The following ITPR2 variants were observed in gnomAD, a reference collection of about 807,000 sequenced individuals.
ITPR2 encodes the protein inositol 1,4,5-trisphosphate-gated calcium channel ITPR2.
Under a neutral mutation model 317.1 loss-of-function variants are expected in ITPR2, and 207 were observed. The ratio of observed to expected loss-of-function variants is 0.65; its 90% CI spans 0.58 to 0.73. ITPR2 has a LOEUF of 0.73. Ranked by LOEUF, ITPR2 falls within the 30% of genes least tolerant of loss-of-function variation. The pLI is 0.00. For synonymous variants in ITPR2, 1,156 were observed against 1,149.1 expected (o/e 1.01, Z -0.12); for missense variants, 2,613 against 3,284.0 (o/e 0.80, Z 4.99).
At chr12:26,722,920 A>G (rs1169541650) in intron 4 of ITPR2, among the ~76,000 whole-genome samples, 1 of 152,148 alleles carries the variant, frequency 6.6e-6, no homozygotes, top group Non-Finnish European at 1.5e-5. Context: ...ACAAAAACAG[A>G]ATATACTAAA....
At chr12:26,827,196 T>C (rs1256288379) in intron 1 of ITPR2, among the ~76,000 whole-genome samples, 3 of 152,334 alleles carry the variant, frequency 2.0e-5, no homozygotes, top group African/African-American at 7.2e-5. Context: ...TCAATACAAG[T>C]ATTTCTTAAA....
intron 47 of ITPR2, among the ~76,000 whole-genome samples, chr12:26,438,266 A>T (rs770162496): frequency 6.6e-6 from 1 of 152,198 alleles, no homozygotes; most frequent in South Asian, 2.1e-4. Context: ...CTGAAAATGC[A>T]TACCACACCC....
intron 54 of ITPR2, among the ~76,000 whole-genome samples, chr12:26,389,133 C>A (rs1056889549): frequency 6.6e-6 from 1 of 152,158 alleles, no homozygotes; most frequent in Non-Finnish European, 1.5e-5. Context: ...CCCAGGCCCC[C>A]CTGTTTCCAT....
At chr12:26,514,200 A>T (rs1039576223) in intron 37 of ITPR2, among the ~76,000 whole-genome samples, 45 of 152,328 alleles carry the variant, frequency 3.0e-4, no homozygotes, top group Non-Finnish European at 5.7e-4. Flanking sequence ...ATGTTTTTTT[A>T]AAAAAAGAAA....
chr12:26,776,911 C>T (rs1451853602), intron 2 of ITPR2, among the ~76,000 whole-genome samples: 1 of 152,154 alleles, frequency 6.6e-6, no homozygotes, highest in Non-Finnish European at 1.5e-5. Flanking sequence ...CAGTGTGACC[C>T]ATGAGGAGGT....
Position 26,336,165 on chromosome 12 carries a change from T to C in ITPR2, c.*3232A>G, listed in dbSNP as rs977223585. On this transcript the variant is annotated 3_prime_UTR_variant, in exon 57 of 57. Transcript: ENST00000381340. ...ATTTACCCCTCCTTTTCTCTAATGA[T>C]AGAGTACTGGGAAGCAGAAATCCCT... is the stretch of plus-strand genomic sequence containing the variant. Among the ~76,000 whole-genome samples, 1 of 152,178 alleles carries C rather than the reference T, an allele frequency of 6.6e-6. No individual in the cohort carries two copies. Among genetic ancestry groups the C allele is most frequent in the Non-Finnish European group, 1.5e-5 (1 of 68,026 alleles).
At chr12:26,697,212 T>C (rs558614654) in intron 9 of ITPR2, among the ~76,000 whole-genome samples, 3 of 152,238 alleles carry the variant, frequency 2.0e-5, no homozygotes, top group Admixed American at 2.0e-4. Context: ...GGACTGAATT[T>C]TCATACTAGA....
At chr12:26,517,030 G>A (rs1943540507) in intron 37 of ITPR2, among the ~76,000 whole-genome samples, 1 of 152,040 alleles carries the variant, frequency 6.6e-6, no homozygotes, top group African/African-American at 2.4e-5. Flanking sequence ...TATTTGAAGA[G>A]TATAACATTG....
At chr12:26,826,738 A>G (rs1173368136) in intron 1 of ITPR2, among the ~76,000 whole-genome samples, 2 of 152,194 alleles carry the variant, frequency 1.3e-5, no homozygotes, top group Admixed American at 6.5e-5. Flanking sequence ...ACTTAAACAT[A>G]CATATACAGA....
intron 51 of ITPR2, among the ~76,000 whole-genome samples, chr12:26,414,685 G>A (rs1233686926): frequency 1.3e-5 from 2 of 152,062 alleles, no homozygotes; most frequent in East Asian, 3.8e-4. Context: ...TAACACCACA[G>A]GAATCACACT....
At chr12:26,747,319 A>G (rs1450321461) in intron 2 of ITPR2, among the ~76,000 whole-genome samples, 1 of 152,214 alleles carries the variant, frequency 6.6e-6, no homozygotes, top group Non-Finnish European at 1.5e-5. Context: ...CTTAACTGGC[A>G]GAATTGCAGT....
intron 10 of ITPR2, among the ~76,000 whole-genome samples, chr12:26,688,750 T>C (rs377566066): frequency 2.0e-5 from 3 of 151,894 alleles, no homozygotes; most frequent in African/African-American, 4.8e-5. Context: ...TAAGAGTAAA[T>C]AAAAACTCAT....
intron 2 of ITPR2, among the ~76,000 whole-genome samples, chr12:26,766,102 C>T (rs1342054707): frequency 6.6e-6 from 1 of 152,132 alleles, no homozygotes; most frequent in Non-Finnish European, 1.5e-5. Context: ...CTGCTATGAA[C>T]ATTTGGGTAC....
In ITPR2 at chr12:26,597,054, T is replaced by TCA; in HGVS notation, c.4082_4083insTG (p.Asp1364GlufsTer10). On this transcript the variant is annotated frameshift_variant, in exon 31 of 57. Transcript: ENST00000381340. LOFTEE classifies it high-confidence loss of function. ...CACTCTCATCCCCTCGGTCTCTCTC[T>TCA]GAACACATCATATGGAGAAGGATTG... is the stretch of plus-strand genomic sequence containing the variant. The TCA allele has an allele frequency of 6.2e-7, 1 of 1,614,104 alleles. No homozygotes were observed. Among genetic ancestry groups the TCA allele is most frequent in the South Asian group, 1.1e-5 (1 of 91,080 alleles).
intron 1 of ITPR2, among the ~76,000 whole-genome samples, chr12:26,792,933 A>G (rs913086299): frequency 2.0e-5 from 3 of 152,202 alleles, no homozygotes; most frequent in Admixed American, 2.0e-4. Context: ...GACTATCCAC[A>G]TGAGTCTAGA....
chr12:26,342,508 GGGGGGC>G (rs1591947963), intron 55 of ITPR2, among the ~76,000 whole-genome samples: 318 of 72,898 alleles, frequency 4.4e-3, no homozygotes, highest in Middle Eastern at 0.011. Flanking sequence ...GGGGGGGGGG[GGGGGGC>G]GGGGGTCAGA....
intron 32 of ITPR2, 90 bp downstream of exon 32, chr12:26,595,375 T>C: frequency 1.6e-6 from 2 of 1,235,248 alleles, no homozygotes; most frequent in East Asian, 2.4e-5. Context: ...CAAAAGGTAG[T>C]GAATTTAACT....
intron 1 of ITPR2, among the ~76,000 whole-genome samples, chr12:26,808,424 T>C (rs1240667431): frequency 1.3e-5 from 2 of 152,220 alleles, no homozygotes; most frequent in Non-Finnish European, 2.9e-5. Context: ...AAAAATAAAA[T>C]GTTCATTTTG....
At chr12:26,399,803 C>G (rs940589859) in intron 53 of ITPR2, among the ~76,000 whole-genome samples, 1 of 152,272 alleles carries the variant, frequency 6.6e-6, no homozygotes, top group East Asian at 1.9e-4. Context: ...CTCAAGAAAC[C>G]TGATAGGCAA....
Sources: gnomAD v4.1 joint callset for allele counts (sites outside exome capture counted in the v4.1 genomes callset) on GRCh38, gnomAD v4.1.1 for gene constraint, MANE v1.5 for transcripts, NCBI Gene and HGNC (gene_info 2026-07-23, HGNC 2026-07-21) for gene names.